The following TUBGCP3 variants were observed in gnomAD, a reference collection of about 807,000 sequenced individuals.
TUBGCP3 encodes the protein gamma-tubulin complex component 3.
A neutral mutation model predicts 123.1 loss-of-function variants in TUBGCP3; 50 were observed. The ratio of observed to expected loss-of-function variants is 0.41; its 90% confidence interval spans 0.32 to 0.51. TUBGCP3 has a LOEUF of 0.51. TUBGCP3 is among the 20% of genes least tolerant of loss of function. The probability of loss-of-function intolerance (pLI) is 0.36; values close to 1 mark genes in which losing one functional copy is unlikely to be tolerated. For synonymous variants in TUBGCP3, 405 were observed against 413.9 expected (o/e 0.98, Z 0.26); for missense variants, 882 against 1,127.0 (o/e 0.78, Z 3.11).
the TUBGCP3 span, chr13:112,603,141 G>C: frequency 6.6e-6 from 1 of 152,140 alleles, no homozygotes; most frequent in African/African-American, 2.4e-5. Flanking sequence ...ATCAATTGTG[G>C]ATTCTTACTG....
the TUBGCP3 span, chr13:112,604,606 T>C: frequency 3.3e-5 from 5 of 152,190 alleles, no homozygotes; most frequent in Admixed American, 3.3e-4. Flanking sequence ...CCCAAATTTA[T>C]TTTTATTTCA....
intron 17 of TUBGCP3, among the ~76,000 whole-genome samples, chr13:112,507,173 T>C (rs2139012971): frequency 6.6e-6 from 1 of 152,312 alleles, no homozygotes; most frequent in African/African-American, 2.4e-5. Context: ...GGTGGATCTT[T>C]TCATGGGAAA....
In TUBGCP3 at chr13:112,583,637, A is replaced by G. The variant is rs146592494; in HGVS notation, c.76+4268T>C. Among the ~76,000 whole-genome samples the G allele has an allele frequency of 4.6e-5, 7 of 152,360 alleles. No homozygotes were observed. In the East Asian group the frequency reaches 7.7e-4, roughly 17 times the overall value. On this transcript the variant is annotated intron_variant, in intron 1 of 21. Transcript: ENST00000261965. ...AGATGCACAAAAATAAATTCGACTC[A>G]AGTGAATACAGAAACTCCACAGTTG... is the stretch of plus-strand genomic sequence containing the variant.
intron 1 of TUBGCP3, among the ~76,000 whole-genome samples, chr13:112,585,475 G>A (rs1462294719): frequency 6.6e-6 from 1 of 152,168 alleles, no homozygotes. Context: ...TTTATTCAGA[G>A]AGGGCCGGGC....
intron 11 of TUBGCP3, among the ~76,000 whole-genome samples, chr13:112,537,148 T>TA (rs1555340955): frequency 0.016 from 1,778 of 109,036 alleles, 51 homozygotes; most frequent in African/African-American, 0.052. Context: ...TTTTTTTTTT[T>TA]AAAAAAAAAA....
At position 112,545,990 on chromosome 13, in the gene TUBGCP3, T is replaced by A; in HGVS notation, c.1169-125A>T. On this transcript the variant is annotated intron_variant, in intron 10 of 21. Coordinates refer to ENST00000261965, the MANE Select transcript of TUBGCP3 (RefSeq NM_006322.6). This position sits in a 1 kb window ranked among gnomAD's most constrained non-coding sequence, Gnocchi z 4.1. ...TAAAGAGCATTTGTTTTCTTACAGT[T>A]AATACCACTTTGGACCTAGAAGCAG... 1 of 1,067,558 alleles carries A rather than the reference T, an allele frequency of 9.4e-7. No individual in the cohort carries two copies. Among genetic ancestry groups the A allele is most frequent in the Non-Finnish European group, 1.3e-6 (1 of 747,214 alleles). 66.1% of individuals were successfully genotyped at this position (1,067,558 alleles called of 1,614,324 possible).
At chr13:112,489,763 G>A in intron 20 of TUBGCP3, 66 bp from the exon 21 acceptor site, 1 of 1,339,382 alleles carries the variant, frequency 7.5e-7, no homozygotes, top group South Asian at 1.2e-5. Context: ...GAGTAGGGCT[G>A]AAAACAGGTA....
At position 112,486,124 on chromosome 13, in the gene TUBGCP3, G is replaced by A; in HGVS notation, c.2593C>T (p.Leu865=). Residue 865 remains leucine (L), a synonymous_variant, in exon 22 of 22, where the codon CTG becomes TTG. Coordinates refer to ENST00000261965, the MANE Select transcript of TUBGCP3 (RefSeq NM_006322.6). Reference sequence around the variant, plus strand: ...AGACTCTCGTCAGAGCTGGTCGTCAGTAACACCAAAAACTGCTGCACGATA... The same window carrying A: ...AGACTCTCGTCAGAGCTGGTCGTCAATAACACCAAAAACTGCTGCACGATA... The part of the protein sequence containing the change: ...QGIVQQFLVL[L]TTSSDESLRF... The A allele has an allele frequency of 1.2e-6, 2 of 1,609,674 alleles. No homozygotes were observed. The highest frequency in any genetic ancestry group is 1.7e-6 in the Non-Finnish European group (2 of 1,177,538).
At position 112,554,193 on chromosome 13, in the gene TUBGCP3, A is replaced by T. The variant is rs1187996233; in HGVS notation, c.841-11T>A. 2.5e-6 allele frequency: 4 copies of T among 1,612,298 alleles called. No homozygotes were observed. Among genetic ancestry groups the T allele is most frequent in the Middle Eastern group, 1.6e-4 (1 of 6,070 alleles). On this transcript the variant is annotated splice_polypyrimidine_tract_variant and intron_variant, in intron 7 of 21. Coordinates refer to ENST00000261965, the MANE Select transcript of TUBGCP3 (RefSeq NM_006322.6). ...CCTACTTAGATTTGCCTAAAAAGTA[A>T]ATACATCAAATGTTAAACATTAAAA...
chr13:112,586,259 T>G (rs1175823091), intron 1 of TUBGCP3, among the ~76,000 whole-genome samples: 1 of 152,032 alleles, frequency 6.6e-6, no homozygotes, highest in Non-Finnish European at 1.5e-5. Context: ...AAAAAAGTTC[T>G]TAGGTTGAGA....
At position 112,573,635 on chromosome 13, in the gene TUBGCP3, C is replaced by A. The variant is rs990052413; in HGVS notation, c.77-4376G>T. Among the ~76,000 whole-genome samples, 9 of 152,316 alleles carry A rather than the reference C, an allele frequency of 5.9e-5. No individual in the cohort carries two copies. The South Asian group carries it at 1.9e-3, about 32-fold the overall frequency. The stretch of plus-strand genomic sequence containing the variant: ...ATGTTCCCCACTACAATCTCAGCAG[C>A]AAAAGAACGTCAAGGGTCAGGAAGA... On this transcript the variant is annotated intron_variant, in intron 1 of 21. Coordinates refer to ENST00000261965, the MANE Select transcript of TUBGCP3 (RefSeq NM_006322.6).
intron 3 of TUBGCP3, among the ~76,000 whole-genome samples, chr13:112,564,479 T>A (rs1594208586): frequency 6.6e-6 from 1 of 152,194 alleles, no homozygotes; most frequent in East Asian, 1.9e-4. Context: ...TCTCACCCTA[T>A]GATTCAATTA....
intron 19 of TUBGCP3, among the ~76,000 whole-genome samples, chr13:112,500,858 G>A (rs773164170): frequency 1.3e-5 from 2 of 152,206 alleles, no homozygotes; most frequent in African/African-American, 4.8e-5. Flanking sequence ...AAAGCATGGC[G>A]ATGCTTCGGT....
At chr13:112,572,918 C>T (rs1222267926) in intron 1 of TUBGCP3, among the ~76,000 whole-genome samples, 1 of 151,978 alleles carries the variant, frequency 6.6e-6, no homozygotes, top group Non-Finnish European at 1.5e-5. Flanking sequence ...TGTCAAATAA[C>T]GCAGTATCTG....
Position 112,559,385 on chromosome 13 carries a change from AT to A in TUBGCP3, c.266del (p.Asn89IlefsTer10). The A allele has an allele frequency of 1.3e-6, 2 of 1,599,010 alleles. No individual in the cohort carries two copies. The highest frequency in any genetic ancestry group is 1.7e-6 in the Non-Finnish European group (2 of 1,170,208). The part of the protein sequence containing the change: ...RKLHSQGVLK[N>X]KWSILYLLLS... ...GCAAGAGGTAGAGTATTGACCATTT[AT>A]TTTTCAAAACTCCCTGTTTGGAAAA... On this transcript the variant is annotated frameshift_variant, in exon 4 of 22. Coordinates refer to ENST00000261965, the MANE Select transcript of TUBGCP3 (RefSeq NM_006322.6). LOFTEE classifies it high-confidence loss of function.
intron 17 of TUBGCP3, among the ~76,000 whole-genome samples, chr13:112,513,918 G>A (rs895571389): frequency 2.0e-5 from 3 of 152,004 alleles, no homozygotes; most frequent in East Asian, 1.9e-4. Context: ...ATTGAGCACC[G>A]TTCTGAGTAG....
At chr13:112,503,401 G>C (rs1399154544) in intron 19 of TUBGCP3, among the ~76,000 whole-genome samples, 1 of 152,098 alleles carries the variant, frequency 6.6e-6, no homozygotes, top group African/African-American at 2.4e-5. Flanking sequence ...ACAGTGTCTC[G>C]ATCTGTTGCC....
chr13:112,595,231 C>T, the TUBGCP3 span, among the ~76,000 whole-genome samples: 1 of 151,288 alleles, frequency 6.6e-6, no homozygotes, highest in East Asian at 1.9e-4. Flanking sequence ...GAGTCTCGCT[C>T]TGTCACCCAG....
chr13:112,549,237 A>G (rs1207928045), intron 8 of TUBGCP3, among the ~76,000 whole-genome samples: 1 of 152,116 alleles, frequency 6.6e-6, no homozygotes, highest in Non-Finnish European at 1.5e-5. Context: ...TCAGAAGGAC[A>G]GAAAACAAAA....
Sources: gnomAD v4.1 joint callset for allele counts (sites outside exome capture counted in the v4.1 genomes callset) on GRCh38, gnomAD v4.1.1 for gene constraint, Gnocchi (gnomAD v3.1) non-coding constraint, MANE v1.5 for transcripts, NCBI Gene and HGNC (gene_info 2026-07-23, HGNC 2026-07-21) for gene names.